The following PRTFDC1 variants were observed in gnomAD, a reference collection of about 807,000 sequenced individuals.
PRTFDC1 encodes the protein phosphoribosyltransferase domain-containing protein 1.
Under a neutral mutation model 34.6 loss-of-function variants are expected in PRTFDC1, and 38 were observed. The ratio of observed to expected loss-of-function variants is 1.10; its 90% CI spans 0.85 to 1.44. The LOEUF is 1.44. Ranked by LOEUF, PRTFDC1 falls within the 40% of genes most tolerant of loss-of-function variation. The pLI is 0.00. For missense variants in PRTFDC1, 270 were observed against 283.0 expected (o/e 0.95, Z 0.33); for synonymous variants, 93 against 98.1 (o/e 0.95, Z 0.31).
chr10:24,872,689 A>G (rs1022755068), intron 3 of PRTFDC1, among the ~76,000 whole-genome samples: 16 of 144,292 alleles, frequency 1.1e-4, no homozygotes, highest in South Asian at 4.4e-4. Context: ...GTGTGTGTGT[A>G]TATATATATA....
intron 3 of PRTFDC1, among the ~76,000 whole-genome samples, chr10:24,927,852 TCC>T (rs36107747): frequency 0.32 from 48,959 of 151,840 alleles, 9,262 homozygotes; most frequent in African/African-American, 0.53. Context: ...AGTGCTGGGA[TCC>T]TACAGGCGTG....
At chr10:24,874,733 T>A (rs939115399) in intron 3 of PRTFDC1, among the ~76,000 whole-genome samples, 2 of 152,228 alleles carry the variant, frequency 1.3e-5, no homozygotes, top group African/African-American at 4.8e-5. Flanking sequence ...AACGTGTTTT[T>A]TTAAAATTTT....
chr10:24,867,661 T>A (rs1847802437), intron 4 of PRTFDC1: 1 of 152,128 alleles, frequency 6.6e-6, no homozygotes, highest in Non-Finnish European at 1.5e-5. Context: ...ATATTTTTAT[T>A]TTTATTAAGT....
At chr10:24,929,040 C>CG (rs747852854) in intron 3 of PRTFDC1, among the ~76,000 whole-genome samples, 1 of 73,612 alleles carries the variant, frequency 1.4e-5, no homozygotes, top group African/African-American at 6.7e-5. Flanking sequence ...GACTCCGTCT[C>CG]AAAAAAAAAA....
intron 3 of PRTFDC1, among the ~76,000 whole-genome samples, chr10:24,881,033 CTCTT>C (rs56134563): frequency 0.055 from 7,227 of 132,172 alleles, 670 homozygotes; most frequent in African/African-American, 0.19. Context: ...CTCTCTCTAT[CTCTT>C]TCTTTCTTTC....
chr10:24,931,198 A>G lies in PRTFDC1; in HGVS notation c.339+5986T>C, dbSNP rs1259076049. Among the ~76,000 whole-genome samples, 3 of 152,210 alleles carry G rather than the reference A, an allele frequency of 2.0e-5. No individual in the cohort carries two copies. The East Asian group carries it at 5.8e-4, about 29-fold the overall frequency. On this transcript the variant is annotated intron_variant, in intron 3 of 8. Coordinates refer to ENST00000320152, the MANE Select transcript of PRTFDC1 (RefSeq NM_020200.7). ...AAATAGTTTGAATTGAATGAAAATG[A>G]ACACAATATATCAAAATGTATAGAG... is the stretch of plus-strand genomic sequence containing the variant.
chr10:24,876,435 A>G (rs1277486565), intron 3 of PRTFDC1, among the ~76,000 whole-genome samples: 3 of 152,040 alleles, frequency 2.0e-5, no homozygotes, highest in Non-Finnish European at 4.4e-5. Context: ...GTGGCTCACA[A>G]CTGTAATCCC....
intron 4 of PRTFDC1, among the ~76,000 whole-genome samples, chr10:24,863,357 A>G (rs1687540013): frequency 6.6e-6 from 1 of 152,228 alleles, no homozygotes; most frequent in Non-Finnish European, 1.5e-5. Context: ...ACATGCTTAC[A>G]GCATGGTTTA....
At chr10:24,855,963 A>C (rs1252931129) in intron 6 of PRTFDC1, among the ~76,000 whole-genome samples, 3 of 151,642 alleles carry the variant, frequency 2.0e-5, no homozygotes, top group Non-Finnish European at 4.4e-5. Context: ...AAAATACAAA[A>C]ATTGGCTGGG....
intron 1 of PRTFDC1, among the ~76,000 whole-genome samples, chr10:24,947,309 TG>T (rs1456483675): frequency 2.6e-5 from 4 of 152,214 alleles, no homozygotes; most frequent in African/African-American, 9.6e-5. Context: ...CTAACTTCAA[TG>T]GTGCATGCAA....
chr10:24,883,473 C>T (rs36089654), intron 3 of PRTFDC1, among the ~76,000 whole-genome samples: 24 of 117,854 alleles, frequency 2.0e-4, no homozygotes, highest in African/African-American at 3.3e-4. Flanking sequence ...AAGGCCACCA[C>T]GAAAAAGGAA....
At chr10:24,852,165 T>G (rs549172669) in intron 7 of PRTFDC1, among the ~76,000 whole-genome samples, 1 of 151,918 alleles carries the variant, frequency 6.6e-6, no homozygotes, top group African/African-American at 2.4e-5. Context: ...GAAAAGATGA[T>G]GATTTTTTGT....
chr10:24,950,378 A>G (rs1438683083), intron 1 of PRTFDC1, among the ~76,000 whole-genome samples: 1 of 152,126 alleles, frequency 6.6e-6, no homozygotes, highest in Non-Finnish European at 1.5e-5. Context: ...CCGAAATCCA[A>G]AATGCTCCAG....
chr10:24,858,394 C>A lies in PRTFDC1; in HGVS notation c.421G>T (p.Glu141Ter). 6.2e-7 allele frequency: 1 copy of A among 1,613,336 alleles called. No individual in the cohort carries two copies. Among genetic ancestry groups the A allele is most frequent in the Non-Finnish European group, 8.5e-7 (1 of 1,179,402 alleles). Residue 141 changes from glutamate to a stop codon, truncating the protein, a stop_gained and splice_region_variant, in exon 5 of 9, where the codon GAG (glutamate) becomes TAG (stop). Transcript: ENST00000320152. LOFTEE classifies it high-confidence loss of function. The part of the protein sequence containing the change: ...TLAGKNVLIV[E>*]DVVGTGRTMK... ...TGGAAAAGGAAATGCCAGCTTACCTCAACAATGAGAACATTCTGAAATAAA... is the reference window on the plus strand; with the variant it reads ...TGGAAAAGGAAATGCCAGCTTACCTAAACAATGAGAACATTCTGAAATAAA...
intron 1 of PRTFDC1, among the ~76,000 whole-genome samples, chr10:24,942,772 C>T (rs751068084): frequency 9.2e-5 from 14 of 152,232 alleles, no homozygotes; most frequent in Non-Finnish European, 1.8e-4. Context: ...CTCAGCCTCC[C>T]GAGGAGCTGG....
intron 3 of PRTFDC1, among the ~76,000 whole-genome samples, chr10:24,893,300 C>G (rs900253750): frequency 6.6e-6 from 1 of 151,700 alleles, no homozygotes; most frequent in Non-Finnish European, 1.5e-5. Context: ...TTCTCTCTTT[C>G]TTTCTCTTGG....
chr10:24,872,336 A>G (rs1847885069), intron 3 of PRTFDC1, among the ~76,000 whole-genome samples: 1 of 152,040 alleles, frequency 6.6e-6, no homozygotes, highest in Admixed American at 6.6e-5. Flanking sequence ...CATGAAACAA[A>G]ACACTCTGGA....
rs747169020 is a variant in PRTFDC1, at chr10:24,851,415, A to G, written c.603T>C (p.Asp201=). 3.1e-6 allele frequency: 5 copies of G among 1,612,966 alleles called. No individual in the cohort carries two copies. Among genetic ancestry groups the G allele is most frequent in the Admixed American group, 1.7e-5 (1 of 59,950 alleles). The part of the protein sequence containing the change: ...PNLFVVGYAL[D]YNEYFRDLNH... ...TCAGATCTCTGAAGTATTCATTGTA[A>G]TCTAAGGCATATCCCACCACAAATA... Residue 201 remains aspartate, a synonymous_variant, in exon 8 of 9, where the codon GAT becomes GAC. Transcript: ENST00000320152.
At chr10:24,882,923 G>A (rs957108758) in intron 3 of PRTFDC1, among the ~76,000 whole-genome samples, 1 of 151,138 alleles carries the variant, frequency 6.6e-6, no homozygotes, top group Non-Finnish European at 1.5e-5. Flanking sequence ...TTTAATACCA[G>A]TAGTTCATTG....
Sources: gnomAD v4.1 joint callset for allele counts (sites outside exome capture counted in the v4.1 genomes callset) on GRCh38, gnomAD v4.1.1 for gene constraint, MANE v1.5 for transcripts, NCBI Gene and HGNC (gene_info 2026-07-23, HGNC 2026-07-21) for gene names.